DST: variants seen among roughly 807,000 people sequenced by gnomAD.
The protein encoded by DST is bullous pemphigoid antigen.
A neutral mutation model predicts 875.2 loss-of-function variants in DST; 253 were observed. The ratio of observed to expected loss-of-function variants is 0.29; its 90% CI spans 0.26 to 0.32. The LOEUF (loss-of-function observed/expected upper bound fraction) is 0.32. Among genes scored for constraint, DST ranks in the 10% least tolerant of loss-of-function variants. DST has a pLI of 1.00. For synonymous variants in DST, 3,124 were observed against 3,197.1 expected, an observed-to-expected ratio of 0.98 and a Z score of 0.77; for missense variants, 8,287 against 9,111.6, an observed-to-expected ratio of 0.91 and a Z score of 3.68.
At chr6:56,538,590 G>T (rs761625544) in intron 61 of DST, among the ~76,000 whole-genome samples, 2 of 152,086 alleles carry the variant, frequency 1.3e-5, no homozygotes, top group Non-Finnish European at 2.9e-5. Context: ...CTGGTCTAAG[G>T]CCTAGCATAC....
intron 43 of DST, among the ~76,000 whole-genome samples, chr6:56,602,370 A>G (rs1487850856): frequency 6.6e-6 from 1 of 151,944 alleles, no homozygotes; most frequent in African/African-American, 2.4e-5. Context: ...GTACAGTAAC[A>G]TGCTGTAGAG....
At chr6:56,746,743 C>T (rs570126895) in intron 4 of DST, among the ~76,000 whole-genome samples, 27 of 152,076 alleles carry the variant, frequency 1.8e-4, no homozygotes, top group Non-Finnish European at 3.7e-4. Flanking sequence ...TTGTTTATTA[C>T]TATTAATAAT....
At position 56,634,506 on chromosome 6, in the gene DST, G is replaced by A; in HGVS notation, c.3450C>T (p.Phe1150=). The A allele has an allele frequency of 1.2e-6, 2 of 1,614,194 alleles. No homozygotes were observed. The highest frequency in any genetic ancestry group is 1.1e-5 in the South Asian group (1 of 91,074). The part of the protein sequence containing the change: ...GNEAMVPSVC[F]TVPPPNKEAV... ...CTTCTTTGTTTGGTGGAGGAACGGT[G>A]AAGCACACAGATGGGACCATAGCCT... Residue 1150 remains phenylalanine, a synonymous_variant, in exon 26 of 104, where the codon TTC becomes TTT. Coordinates refer to ENST00000680361, the MANE Select transcript of DST (RefSeq NM_001374736.1).
At chr6:56,902,408 A>G (rs1005784990) in intron 2 of DST, among the ~76,000 whole-genome samples, 2 of 152,254 alleles carry the variant, frequency 1.3e-5, no homozygotes, top group African/African-American at 4.8e-5. Context: ...ATTCTGAAAG[A>G]TAAATGTGTA....
At chr6:56,793,734 C>G (rs1298617404) in intron 4 of DST, among the ~76,000 whole-genome samples, 1 of 151,862 alleles carries the variant, frequency 6.6e-6, no homozygotes, top group African/African-American at 2.4e-5. Context: ...ATCAATTTAC[C>G]AAAAAACAGT....
At chr6:56,857,424 G>A (rs1336943159) in intron 3 of DST, among the ~76,000 whole-genome samples, 1 of 152,158 alleles carries the variant, frequency 6.6e-6, no homozygotes, top group Admixed American at 6.5e-5. Context: ...TTTGATCTAA[G>A]AAATTTCTCG....
intron 3 of DST, among the ~76,000 whole-genome samples, 197 bp downstream of exon 3, chr6:56,900,224 T>C (rs1234151350): frequency 7.0e-6 from 1 of 143,790 alleles, no homozygotes; most frequent in Non-Finnish European, 1.6e-5. Context: ...TGCTTTTTTG[T>C]CAACTATCTA....
chr6:56,939,600 T>C (rs1421338777), intron 2 of DST, among the ~76,000 whole-genome samples: 46 of 152,220 alleles, frequency 3.0e-4, no homozygotes, highest in Admixed American at 3.0e-3. Flanking sequence ...ATATCTAGGC[T>C]TTCCTTCTAA....
At chr6:56,526,220 C>T (rs2096794436) in intron 69 of DST, 141 bp downstream of exon 69, 1 of 933,154 alleles carries the variant, frequency 1.1e-6, no homozygotes, top group Non-Finnish European at 1.6e-6. Context: ...GCCCAGTCAA[C>T]TTCTTTTCAA....
At chr6:56,592,100 C>T (rs1432600480) in intron 49 of DST, 82 bp downstream of exon 49, 2 of 1,309,780 alleles carry the variant, frequency 1.5e-6, no homozygotes, top group East Asian at 2.4e-5. Flanking sequence ...CCTCTCTTAG[C>T]TGAAACTATC....
intron 4 of DST, among the ~76,000 whole-genome samples, chr6:56,827,506 CAA>C (rs779051829): frequency 8.7e-4 from 51 of 58,762 alleles, no homozygotes; most frequent in African/African-American, 2.7e-3. Flanking sequence ...GACTCCGTCT[CAA>C]AAAAAAAAAA....
chr6:56,848,899 G>T (rs1360760287), intron 4 of DST, among the ~76,000 whole-genome samples: 3 of 151,674 alleles, frequency 2.0e-5, no homozygotes, highest in Non-Finnish European at 4.4e-5. Context: ...AATTAGCTGG[G>T]CATGGTGGTG....
rs1221714682 is a variant in DST at position 56,618,822 on chromosome 6, C to T, written c.4930-4338G>A. On this transcript the variant is annotated intron_variant, in intron 36 of 103. Coordinates refer to ENST00000680361, the MANE Select transcript of DST (RefSeq NM_001374736.1). ...TTACCAGATTCTTCCTGAAACAGAA[C>T]CATCTTTCTGTGGGTCATCTGCTCC... 4 of 1,613,944 alleles carry T rather than the reference C, an allele frequency of 2.5e-6. No homozygotes were observed. The African/African-American group carries it at 5.3e-5, about 22-fold the overall frequency.
intron 9 of DST, among the ~76,000 whole-genome samples, chr6:56,688,401 G>T (rs2099202879): frequency 6.6e-6 from 1 of 152,114 alleles, no homozygotes; most frequent in African/African-American, 2.4e-5. Flanking sequence ...ATTTCAGGTA[G>T]GTTGAATGTA....
At chr6:56,634,399 G>A in intron 26 of DST, 63 bp downstream of exon 26, 1 of 1,608,340 alleles carries the variant, frequency 6.2e-7, no homozygotes, top group Non-Finnish European at 8.5e-7. Flanking sequence ...AGTATTGATT[G>A]TTCCTTCAAC....
rs780142987 is a variant in DST, at chr6:56,628,115, C to A, written c.4522G>T (p.Asp1508Tyr). The A allele has an allele frequency of 6.2e-7, 1 of 1,613,790 alleles. No homozygotes were observed. The highest frequency in any genetic ancestry group is 1.1e-5 in the South Asian group (1 of 91,078). ...CAATCATCTAAAGGATGGTAAGTGT[C>A]TCTGTAGTACTTCAGTGATTTGCCA... ...GIGKSLKYYRDTYHPLDDWIQ... is the reference protein window; with the variant it reads ...GIGKSLKYYRYTYHPLDDWIQ... The change falls in exon 33 of 104, where the codon GAC (aspartate) becomes TAC (tyrosine). Residue 1508 changes from aspartate (D) to tyrosine (Y), a missense_variant. Around this residue, in one of 10 missense-constraint regions of DST, gnomAD observed 3,138 missense variants for 3,116.6 expected, o/e 1.01. Coordinates refer to ENST00000680361, the MANE Select transcript of DST (RefSeq NM_001374736.1).
rs576138885 is a variant in DST, at chr6:56,482,111, C to T, written c.21470G>A (p.Arg7157His). 1.5e-5 allele frequency: 24 copies of T among 1,613,482 alleles called. No individual in the cohort carries two copies. The highest frequency in any genetic ancestry group is 1.5e-5 in the Non-Finnish European group (18 of 1,179,784). The change falls in exon 90 of 104, where the codon CGT becomes CAT. Residue 7157 changes from arginine (R) to histidine (H), a missense_variant. This residue lies in a region of DST where 1,292 missense variants were observed against 1,552.7 expected (regional missense o/e 0.83). Coordinates refer to ENST00000680361, the MANE Select transcript of DST (RefSeq NM_001374736.1). Reference protein sequence around the residue: ...EWLAEAEQTLRFHGVLPDDED... With the variant: ...EWLAEAEQTLHFHGVLPDDED... The stretch of plus-strand genomic sequence containing the variant: ...ATCATCTGGGAGGACACCATGGAAA[C>T]GCAGGGTTTGCTCCGCCTCAGCCAG...
intron 2 of DST, among the ~76,000 whole-genome samples, chr6:56,901,084 C>T (rs1793860465): frequency 6.6e-6 from 1 of 152,104 alleles, no homozygotes; most frequent in Non-Finnish European, 1.5e-5. Context: ...CCAATCATCA[C>T]TGCAAAACAC....
At chr6:56,668,290 C>A (rs138045122) in intron 10 of DST, among the ~76,000 whole-genome samples, 1 of 152,224 alleles carries the variant, frequency 6.6e-6, no homozygotes, top group Non-Finnish European at 1.5e-5. Context: ...TCTACAGCCA[C>A]TAAACCTTCA....
Sources: gnomAD v4.1 joint callset for allele counts (sites outside exome capture counted in the v4.1 genomes callset) on GRCh38, gnomAD v4.1.1 for gene constraint, gnomAD v4.1.1 regional missense constraint, MANE v1.5 for transcripts, NCBI Gene and HGNC (gene_info 2026-07-23, HGNC 2026-07-21) for gene names.